NAV2: variants seen among roughly 807,000 people sequenced by gnomAD.
The protein encoded by NAV2 is neuron navigator 2.
In NAV2, 54 loss-of-function variants were observed where a neutral mutation model predicts 223.2. That is an observed-to-expected ratio of 0.24 (90% CI 0.19 to 0.30). The LOEUF is 0.30. Among genes scored for constraint, NAV2 ranks in the 10% least tolerant of loss-of-function variants. The pLI, the probability that NAV2 is intolerant of heterozygous loss-of-function variation, is 1.00. For synonymous variants in NAV2, 1,279 were observed against 1,239.3 expected (o/e 1.03, Z -0.67); for missense variants, 2,806 against 3,147.5 (o/e 0.89, Z 2.60).
At chr11:19,939,378 G>T (rs2046207586) in intron 7 of NAV2, among the ~76,000 whole-genome samples, 2 of 152,180 alleles carry the variant, frequency 1.3e-5, no homozygotes, top group Admixed American at 1.3e-4. Flanking sequence ...GCTAGACCTA[G>T]CATCCTGACG....
chr11:19,982,235 G>A (rs918949807), intron 10 of NAV2, among the ~76,000 whole-genome samples: 1 of 106,850 alleles, frequency 9.4e-6, no homozygotes, highest in African/African-American at 3.8e-5. Flanking sequence ...TATTTTTGGG[G>A]TTTTCTTTTT....
chr11:20,013,097 G>A (rs1276126953), intron 11 of NAV2, among the ~76,000 whole-genome samples: 1 of 152,182 alleles, frequency 6.6e-6, no homozygotes, highest in African/African-American at 2.4e-5. Context: ...TTGGACCTGG[G>A]TCCAGATTTT....
intron 4 of NAV2, among the ~76,000 whole-genome samples, chr11:19,869,417 GC>G (rs2062323016): frequency 1.3e-5 from 2 of 152,180 alleles, no homozygotes; most frequent in Admixed American, 6.5e-5. Flanking sequence ...ATTCGAGGAA[GC>G]AGCACTTTTT....
At chr11:19,777,103 CCA>C (rs1491546284) in intron 1 of NAV2, among the ~76,000 whole-genome samples, 19 of 150,714 alleles carry the variant, frequency 1.3e-4, no homozygotes, top group African/African-American at 4.4e-4. Context: ...ACCCCCCCCC[CCA>C]CCCCGCCCTC....
intron 6 of NAV2, among the ~76,000 whole-genome samples, chr11:19,894,098 G>T (rs955946048): frequency 2.6e-5 from 4 of 152,252 alleles, no homozygotes; most frequent in Admixed American, 2.0e-4. Context: ...ATGTGTAAAA[G>T]CTAAACTTTA....
At chr11:19,424,705 G>A (rs570631229) in intron 1 of NAV2, among the ~76,000 whole-genome samples, 2 of 150,884 alleles carry the variant, frequency 1.3e-5, no homozygotes, top group South Asian at 2.1e-4. Context: ...CCTGCCACAC[G>A]TCTGGCTATT....
At chr11:19,476,420 A>T (rs1344921574) in intron 1 of NAV2, among the ~76,000 whole-genome samples, 1 of 151,668 alleles carries the variant, frequency 6.6e-6, no homozygotes, top group Non-Finnish European at 1.5e-5. Context: ...GGGTATTTGT[A>T]TTGCCAACCA....
At chr11:19,447,512 A>G (rs1421504688) in intron 1 of NAV2, among the ~76,000 whole-genome samples, 1 of 152,190 alleles carries the variant, frequency 6.6e-6, no homozygotes, top group African/African-American at 2.4e-5. Context: ...GAGGATAGTA[A>G]TTCCCACCTC....
chr11:19,396,984 G>A (rs1483476731), intron 1 of NAV2, among the ~76,000 whole-genome samples: 1 of 152,314 alleles, frequency 6.6e-6, no homozygotes, highest in Middle Eastern at 3.4e-3. Context: ...ACTGAGGAGT[G>A]AGGGTGTAAT....
At chr11:20,115,729 G>A (rs1325518199) in intron 37 of NAV2, among the ~76,000 whole-genome samples, 6 of 149,312 alleles carry the variant, frequency 4.0e-5, no homozygotes, top group African/African-American at 9.8e-5. Context: ...CCTGGGCAAC[G>A]TAACAAAACC....
chr11:19,846,846 C>T (rs2060839125), intron 3 of NAV2, among the ~76,000 whole-genome samples: 1 of 152,178 alleles, frequency 6.6e-6, no homozygotes, highest in African/African-American at 2.4e-5. Flanking sequence ...CTTCCCTTTC[C>T]TGGAGCAAGC....
At chr11:20,074,146 T>A (rs2059576333) in intron 22 of NAV2, among the ~76,000 whole-genome samples, 2 of 152,256 alleles carry the variant, frequency 1.3e-5, no homozygotes, top group African/African-American at 4.8e-5. Context: ...TTGTTCTCAT[T>A]GGTTTCAAAG....
At chr11:20,083,647 G>A (rs1371185341) in intron 26 of NAV2, among the ~76,000 whole-genome samples, 3 of 152,216 alleles carry the variant, frequency 2.0e-5, no homozygotes, top group Non-Finnish European at 4.4e-5. Flanking sequence ...TGCAAGGAAA[G>A]TTGTCAGAGA....
At position 20,105,612 on chromosome 11, in the gene NAV2, G is replaced by T; in HGVS notation, c.6726G>T (p.Glu2242Asp). The part of the protein sequence containing the change: ...RFLRRKLMET[E>D]ISGRVRNMEL... ...TGAGGAGGAAGCTCATGGAAACAGA[G>T]ATCAGTGGGCGGGTGCGCAATATGG... The change falls in exon 35 of 38, where the codon GAG becomes GAT. Residue 2242 changes from glutamate (E) to aspartate (D), a missense_variant. Glu to Asp is a conservative substitution (Grantham distance 45, BLOSUM62 2). Around this residue, in one of 4 missense-constraint regions of NAV2, gnomAD observed 824 missense variants for 1,069.4 expected, o/e 0.77. Transcript: ENST00000349880. 1 of 1,614,144 alleles carries T rather than the reference G, an allele frequency of 6.2e-7. No individual in the cohort carries two copies. The highest frequency in any genetic ancestry group is 8.5e-7 in the Non-Finnish European group (1 of 1,180,022).
chr11:19,660,618 G>A (rs537604856), intron 1 of NAV2, among the ~76,000 whole-genome samples: 8 of 152,262 alleles, frequency 5.3e-5, no homozygotes, highest in South Asian at 2.1e-4. Flanking sequence ...CCTAGACAGC[G>A]TTCCTCAACC....
intron 1 of NAV2, among the ~76,000 whole-genome samples, chr11:19,558,390 C>T (rs536749061): frequency 9.2e-5 from 14 of 152,226 alleles, no homozygotes; most frequent in Non-Finnish European, 1.6e-4. Context: ...GGGCCTCTCT[C>T]TCCAGCACGA....
chr11:19,347,612 C>T (rs1043826394), upstream of NAV2, among the ~76,000 whole-genome samples: 3 of 152,096 alleles, frequency 2.0e-5, no homozygotes, highest in African/African-American at 4.8e-5. Flanking sequence ...TCAATGCTCC[C>T]CACTCATCTT....
intron 1 of NAV2, among the ~76,000 whole-genome samples, chr11:19,731,380 A>G (rs567121245): frequency 6.6e-6 from 1 of 152,336 alleles, no homozygotes; most frequent in African/African-American, 2.4e-5. Context: ...GTTGGTGACT[A>G]TTTACTGAGC....
At chr11:19,907,159 A>G (rs1167890033) in intron 6 of NAV2, among the ~76,000 whole-genome samples, 1 of 152,192 alleles carries the variant, frequency 6.6e-6, no homozygotes, top group East Asian at 1.9e-4. Flanking sequence ...GGTTTGTTGA[A>G]TCAATGATTT....
Sources: gnomAD v4.1 joint callset for allele counts (sites outside exome capture counted in the v4.1 genomes callset) on GRCh38, gnomAD v4.1.1 for gene constraint, gnomAD v4.1.1 regional missense constraint, MANE v1.5 for transcripts, NCBI Gene and HGNC (gene_info 2026-07-23, HGNC 2026-07-21) for gene names.